Variants in TAFA5 observed in about 807,000 individuals in gnomAD.
The protein encoded by TAFA5 is chemokine-like protein TAFA-5.
Under a neutral mutation model 15.3 loss-of-function variants are expected in TAFA5, and 6 were observed. The ratio of observed to expected loss-of-function variants is 0.39; its 90% CI spans 0.21 to 0.77. TAFA5 has a LOEUF of 0.77. Ranked by LOEUF, TAFA5 falls within the 30% of genes least tolerant of loss-of-function variation. TAFA5 has a pLI of 0.41. For missense variants in TAFA5, 161 were observed against 193.1 expected, an observed-to-expected ratio of 0.83 and a Z score of 0.98; for synonymous variants, 103 against 80.7, an observed-to-expected ratio of 1.28 and a Z score of -1.48.
At position 48,489,557 on chromosome 22, in the gene TAFA5, C is replaced by A; in HGVS notation, c.-36C>A. The A allele has an allele frequency of 7.9e-7, 1 of 1,263,164 alleles. No individual in the cohort carries two copies. Among genetic ancestry groups the A allele is most frequent in the Non-Finnish European group, 1.0e-6 (1 of 963,176 alleles). The allele number at this position is 1,263,164 out of a possible 1,614,324, so 78.2% of individuals were successfully genotyped here. On this transcript the variant is annotated 5_prime_UTR_variant, in exon 1 of 4. Coordinates refer to ENST00000402357, the MANE Select transcript of TAFA5 (RefSeq NM_001082967.3). This position sits in a 1 kb window ranked among gnomAD's most constrained non-coding sequence, Gnocchi z 5.5. ...GCGCGGGCAGGGCCGGCTGCTGAGACGCGCTGCTGCCCCCCGCGCGGGCGC... is the reference window on the plus strand; with the variant it reads ...GCGCGGGCAGGGCCGGCTGCTGAGAAGCGCTGCTGCCCCCCGCGCGGGCGC...
At chr22:48,628,585 A>T (rs1285495209) in intron 1 of TAFA5, among the ~76,000 whole-genome samples, 1 of 151,958 alleles carries the variant, frequency 6.6e-6, no homozygotes, top group Non-Finnish European at 1.5e-5. Context: ...GGCCTTCGCC[A>T]CCCCCTCCAG....
intron 3 of TAFA5, among the ~76,000 whole-genome samples, chr22:48,719,123 G>T (rs992202989): frequency 3.3e-5 from 5 of 152,238 alleles, no homozygotes; most frequent in African/African-American, 4.8e-5. Context: ...TCCCGTGTGG[G>T]GAGGTGTGCA....
rs1168137470 is a variant in TAFA5 at position 48,489,676 on chromosome 22, C to T, written c.84C>T (p.Ile28=). 5 of 1,522,090 alleles carry T rather than the reference C, an allele frequency of 3.3e-6. No individual in the cohort carries two copies. The highest frequency in any genetic ancestry group is 4.4e-6 in the Non-Finnish European group (5 of 1,134,282). 94.3% of individuals were successfully genotyped at this position (1,522,090 alleles called of 1,614,324 possible). ...SMSSTFWAFM[I]LASLLIAYCS... ...CCTCAACTTTCTGGGCGTTCATGAT[C>T]CTGGCCAGCCTGCTCATCGCCTACT... is the stretch of plus-strand genomic sequence containing the variant. Residue 28 remains isoleucine, a synonymous_variant, in exon 1 of 4, where the codon ATC becomes ATT. Transcript: ENST00000402357. This position sits in a 1 kb window ranked among gnomAD's most constrained non-coding sequence, Gnocchi z 5.5.
intron 1 of TAFA5, among the ~76,000 whole-genome samples, chr22:48,611,097 C>G (rs1193461317): frequency 6.6e-6 from 1 of 152,154 alleles, no homozygotes; most frequent in Non-Finnish European, 1.5e-5. Flanking sequence ...CCACGCCCAG[C>G]TAATTTTTTG....
At position 48,692,788 on chromosome 22, in the gene TAFA5, TC is replaced by T. The variant is rs139276354; in HGVS notation, c.263-14926del. Among the ~76,000 whole-genome samples, 1,015 of 152,262 alleles carry T rather than the reference TC, an allele frequency of 6.7e-3. 10 individuals are homozygous for T. Among genetic ancestry groups the T allele is most frequent in the Middle Eastern group, 0.027 (8 of 294 alleles). Reference sequence around the variant, plus strand: ...GCAGGTGGCCATACGAGGGGCGTGTTCCCAGGAAGGTCAGAATGGGAAGCAG... The same window carrying T: ...GCAGGTGGCCATACGAGGGGCGTGTTCCAGGAAGGTCAGAATGGGAAGCAG... On this transcript the variant is annotated intron_variant, in intron 2 of 3. Transcript: ENST00000402357.
chr22:48,523,512 C>T (rs567716460), intron 1 of TAFA5, among the ~76,000 whole-genome samples: 7 of 152,298 alleles, frequency 4.6e-5, no homozygotes, highest in East Asian at 1.9e-4. Context: ...CTGGGAGCCC[C>T]GAAGGCTGGC....
At chr22:48,546,728 C>G in intron 1 of TAFA5, 1 of 396,782 alleles carries the variant, frequency 2.5e-6, no homozygotes, top group Admixed American at 2.8e-5. Flanking sequence ...TCATGTTCCA[C>G]ACTCAAATGC....
intron 3 of TAFA5, among the ~76,000 whole-genome samples, chr22:48,726,380 G>A (rs760696946): frequency 1.3e-5 from 2 of 152,386 alleles, no homozygotes; most frequent in Non-Finnish European, 2.9e-5. Context: ...ACAGGGTAGA[G>A]AGGCTAGTGG....
chr22:48,607,299 G>T (rs1256215027), intron 1 of TAFA5, among the ~76,000 whole-genome samples: 2 of 139,626 alleles, frequency 1.4e-5, no homozygotes, highest in African/African-American at 5.5e-5. Context: ...TCTGTCCTGG[G>T]TTCTGATTAG....
intron 1 of TAFA5, among the ~76,000 whole-genome samples, chr22:48,604,147 G>A (rs1024352376): frequency 6.6e-6 from 1 of 152,306 alleles, no homozygotes; most frequent in Admixed American, 6.5e-5. Context: ...GCTCAGAAAG[G>A]GGCATTGACG....
At chr22:48,577,200 G>A (rs545164949) in intron 1 of TAFA5, among the ~76,000 whole-genome samples, 3 of 152,358 alleles carry the variant, frequency 2.0e-5, no homozygotes, top group South Asian at 2.1e-4. Context: ...CTATTGAGGC[G>A]CCCAGGATAA....
chr22:48,741,048 G>A (rs947141621), intron 3 of TAFA5, among the ~76,000 whole-genome samples: 22 of 152,208 alleles, frequency 1.4e-4, no homozygotes, highest in Admixed American at 9.8e-4. Flanking sequence ...GAGACCCAGC[G>A]TCCCCGAGGT....
chr22:48,496,627 C>T (rs1238800743), intron 1 of TAFA5, among the ~76,000 whole-genome samples: 1 of 152,178 alleles, frequency 6.6e-6, no homozygotes. Context: ...ACCCACTCCA[C>T]CCAGAGCTGG....
intron 1 of TAFA5, among the ~76,000 whole-genome samples, chr22:48,633,555 T>TCTCTCTCC (rs1255842852): frequency 2.6e-5 from 4 of 151,404 alleles, no homozygotes; most frequent in Non-Finnish European, 5.9e-5. Context: ...TCTCTCTCTC[T>TCTCTCTCC]CTCCATCTCT....
At chr22:48,691,647 C>T (rs1264337979) in intron 2 of TAFA5, among the ~76,000 whole-genome samples, 2 of 152,224 alleles carry the variant, frequency 1.3e-5, no homozygotes, top group Non-Finnish European at 2.9e-5. Flanking sequence ...CTCAGTCCTG[C>T]CATAATCTGG....
chr22:48,529,573 A>G (rs1601557903), intron 1 of TAFA5, among the ~76,000 whole-genome samples: 2 of 33,418 alleles, frequency 6.0e-5, no homozygotes, highest in African/African-American at 1.3e-4. Flanking sequence ...GTCAGGCAGG[A>G]GATGGGGGTG....
At chr22:48,496,252 G>A (rs919599452) in intron 1 of TAFA5, among the ~76,000 whole-genome samples, 13 of 152,010 alleles carry the variant, frequency 8.6e-5, no homozygotes, top group Non-Finnish European at 1.6e-4. Flanking sequence ...ATGGCTGCTG[G>A]CCTCGGGGGA....
chr22:48,653,412 G>A (rs1430985755), intron 2 of TAFA5, among the ~76,000 whole-genome samples: 2 of 152,222 alleles, frequency 1.3e-5, no homozygotes, highest in African/African-American at 4.8e-5. Context: ...AGGTGGGCAG[G>A]GCAGGGCAGG....
At chr22:48,579,136 C>G (rs1569032759) in intron 1 of TAFA5, among the ~76,000 whole-genome samples, 4 of 42,998 alleles carry the variant, frequency 9.3e-5, no homozygotes, top group African/African-American at 2.2e-4. Flanking sequence ...CCGTCCCCCC[C>G]TGGCCACTCT....
Sources: allele counts gnomAD v4.1 joint callset (sites outside exome capture counted in the v4.1 genomes callset), GRCh38; gene constraint gnomAD v4.1.1; non-coding constraint Gnocchi (gnomAD v3.1); transcripts MANE v1.5; gene names NCBI Gene and HGNC (gene_info 2026-07-23, HGNC 2026-07-21).